CDH18: variants seen among roughly 807,000 people sequenced by gnomAD.
The protein encoded by CDH18 is cadherin 18.
CDH18 carries 31 observed loss-of-function variants against 67.9 expected under a neutral mutation model. That is an observed-to-expected ratio of 0.46 (90% confidence interval 0.34 to 0.62). The LOEUF (loss-of-function observed/expected upper bound fraction) is 0.62. CDH18 is among the 20% of genes least tolerant of loss of function. CDH18 has a pLI of 0.01. For synonymous variants in CDH18, 362 were observed against 347.2 expected (o/e 1.04, Z -0.48); for missense variants, 890 against 975.5 (o/e 0.91, Z 1.17).
In CDH18 at chr5:19,640,125, T is replaced by C. The variant is rs529498391; in HGVS notation, c.644-27524A>G. Reference sequence around the variant, plus strand: ...TTATGAGAAATGCTTCAGGTAGTTCTTCAAGTTGTAACTAAAACATAAACA... The same window carrying C: ...TTATGAGAAATGCTTCAGGTAGTTCCTCAAGTTGTAACTAAAACATAAACA... On this transcript the variant is annotated intron_variant, in intron 5 of 12. Transcript: ENST00000382275. 2.0e-5 allele frequency among the ~76,000 whole-genome samples: 3 copies of C among 152,306 alleles called. No homozygotes were observed. The South Asian group carries it at 6.2e-4, about 32-fold the overall frequency.
At chr5:19,706,120 T>C (rs1238356675) in intron 5 of CDH18, among the ~76,000 whole-genome samples, 2 of 152,204 alleles carry the variant, frequency 1.3e-5, no homozygotes, top group Non-Finnish European at 2.9e-5. Context: ...TGATTCTTCA[T>C]ATGTGGTTCA....
At chr5:19,711,169 C>T (rs536519800) in intron 5 of CDH18, among the ~76,000 whole-genome samples, 1 of 152,096 alleles carries the variant, frequency 6.6e-6, no homozygotes, top group South Asian at 2.1e-4. Flanking sequence ...ACAAACTCAT[C>T]TAGACATTGG....
intron 2 of CDH18, among the ~76,000 whole-genome samples, chr5:20,119,788 T>C (rs2126406601): frequency 6.6e-6 from 1 of 152,278 alleles, no homozygotes; most frequent in East Asian, 1.9e-4. Flanking sequence ...AGTTATTTAT[T>C]GTAATTACGC....
chr5:20,545,463 T>A (rs1215500620), intron 1 of CDH18, among the ~76,000 whole-genome samples: 2 of 152,166 alleles, frequency 1.3e-5, no homozygotes, highest in Admixed American at 6.6e-5. Context: ...TTTCCTCACA[T>A]CATCTGAAAT....
intron 8 of CDH18, among the ~76,000 whole-genome samples, chr5:19,545,228 T>C (rs1736108611): frequency 6.6e-6 from 1 of 152,082 alleles, no homozygotes; most frequent in Admixed American, 6.6e-5. Context: ...ATGTGAAAAG[T>C]GCTAGGGAAG....
rs933044693 is a variant in CDH18, at chr5:20,218,301, A to T, written c.-518+37143T>A. ...AAGTTTTAAAAAATAAAAAATATTG[A>T]AATAATTTCAACTATCTTCTTTCTC... On this transcript the variant is annotated intron_variant, in intron 2 of 14. Coordinates refer to the CDH18 transcript ENST00000507958. Among the ~76,000 whole-genome samples the T allele has an allele frequency of 3.3e-4, 50 of 152,160 alleles. 1 individual carries two copies. In the Admixed American group the frequency reaches 3.3e-3, roughly 10 times the overall value.
intron 10 of CDH18, among the ~76,000 whole-genome samples, chr5:19,514,572 T>G (rs1194179642): frequency 6.6e-6 from 1 of 152,250 alleles, no homozygotes; most frequent in Non-Finnish European, 1.5e-5. Context: ...ATTGCTGTTT[T>G]GATTTGCATT....
At chr5:20,021,264 A>C (rs1392463639) in intron 2 of CDH18, among the ~76,000 whole-genome samples, 2 of 152,074 alleles carry the variant, frequency 1.3e-5, no homozygotes, top group Non-Finnish European at 2.9e-5. Flanking sequence ...GACTTGTCTT[A>C]TCTTGAATGG....
At chr5:20,305,589 C>G in intron 1 of CDH18, 1 of 524,546 alleles carries the variant, frequency 1.9e-6, no homozygotes, top group Non-Finnish European at 3.4e-6. Context: ...TCCTGCGCTG[C>G]GGGCCTCAGA....
chr5:19,935,269 C>T (rs545393398), intron 2 of CDH18, among the ~76,000 whole-genome samples: 50 of 151,376 alleles, frequency 3.3e-4, no homozygotes, highest in Middle Eastern at 6.8e-3. Flanking sequence ...TTTGATTTGA[C>T]TACTTTTAGT....
In CDH18 at chr5:19,957,802, A is replaced by G. The variant is rs374025985; in HGVS notation, c.-257+23258T>C. Among the ~76,000 whole-genome samples the G allele has an allele frequency of 5.9e-4, 89 of 151,838 alleles. No homozygotes were observed. The South Asian group carries it at 0.016, about 27-fold the overall frequency. On this transcript the variant is annotated intron_variant, in intron 2 of 12. Coordinates refer to ENST00000382275, the MANE Select transcript of CDH18 (RefSeq NM_004934.5). ...ATGAGATGATGTACAATAGAAGACTATTTATTTTCAGAGTTAAAGGATTCT... is the reference window on the plus strand; with the variant it reads ...ATGAGATGATGTACAATAGAAGACTGTTTATTTTCAGAGTTAAAGGATTCT...
chr5:19,748,105 T>A (rs1770314257), intron 3 of CDH18, among the ~76,000 whole-genome samples: 2 of 4,814 alleles, frequency 4.2e-4, no homozygotes, highest in Non-Finnish European at 8.7e-4. Flanking sequence ...AGAGCGAGAC[T>A]CCATCTCAAA....
At chr5:19,633,763 A>G (rs911418886) in intron 5 of CDH18, among the ~76,000 whole-genome samples, 2 of 151,884 alleles carry the variant, frequency 1.3e-5, no homozygotes, top group Non-Finnish European at 2.9e-5. Context: ...CAAGAAAGCT[A>G]GGACCACAGG....
intron 5 of CDH18, among the ~76,000 whole-genome samples, chr5:19,643,194 C>T (rs188309035): frequency 3.3e-5 from 5 of 151,942 alleles, no homozygotes; most frequent in Admixed American, 1.3e-4. Context: ...TAATTATTGG[C>T]GAGGTGATGG....
chr5:20,482,226 G>A (rs1451474185), intron 1 of CDH18, among the ~76,000 whole-genome samples: 1 of 151,880 alleles, frequency 6.6e-6, no homozygotes, highest in Non-Finnish European at 1.5e-5. Context: ...AATCTACTAA[G>A]ATTGAACCAT....
intron 1 of CDH18, among the ~76,000 whole-genome samples, chr5:20,328,892 G>A (rs1398983747): frequency 2.0e-5 from 3 of 151,830 alleles, no homozygotes; most frequent in Non-Finnish European, 2.9e-5. Context: ...GAGGGGGTAG[G>A]ATCACCTGAG....
intron 1 of CDH18, among the ~76,000 whole-genome samples, chr5:20,338,638 A>G (rs896839730): frequency 3.3e-5 from 5 of 152,236 alleles, no homozygotes; most frequent in African/African-American, 1.2e-4. Context: ...GACATCTGGT[A>G]TATTTCCAGT....
chr5:19,946,755 G>A (rs1037569121), intron 2 of CDH18, among the ~76,000 whole-genome samples: 3 of 152,060 alleles, frequency 2.0e-5, no homozygotes, highest in African/African-American at 7.2e-5. Context: ...GGCCAGTATT[G>A]CCTTGATACC....
chr5:20,453,272 C>T (rs1750599049), intron 1 of CDH18, among the ~76,000 whole-genome samples: 1 of 152,176 alleles, frequency 6.6e-6, no homozygotes, highest in African/African-American at 2.4e-5. Flanking sequence ...CTACTTTAAG[C>T]TGCCCCGTCA....
Sources: gnomAD v4.1 joint callset for allele counts (sites outside exome capture counted in the v4.1 genomes callset) on GRCh38, gnomAD v4.1.1 for gene constraint, MANE v1.5 for transcripts, NCBI Gene and HGNC (gene_info 2026-07-23, HGNC 2026-07-21) for gene names.